RAPGEF2: variants seen among roughly 807,000 people sequenced by gnomAD.
The protein encoded by RAPGEF2 is PDZ domain containing guanine nucleotide exchange factor (GEF) 1.
RAPGEF2 carries 54 observed loss-of-function variants against 186.7 expected under a neutral mutation model. The observed-to-expected ratio is 0.29, with a 90% CI of 0.23 to 0.36. The LOEUF is 0.36. RAPGEF2 is among the 10% of genes least tolerant of loss of function. The pLI, the probability that RAPGEF2 is intolerant of heterozygous loss-of-function variation, is 1.00. For synonymous variants in RAPGEF2, 712 were observed against 705.9 expected, an observed-to-expected ratio of 1.01 and a Z score of -0.14; for missense variants, 1,532 against 2,045.0, an observed-to-expected ratio of 0.75 and a Z score of 4.84.
chr4:159,314,971 T>G (rs1007188352), intron 9 of RAPGEF2, among the ~76,000 whole-genome samples: 1 of 151,976 alleles, frequency 6.6e-6, no homozygotes, highest in Non-Finnish European at 1.5e-5. Flanking sequence ...CTACAAATAA[T>G]AATGTGAATG....
At chr4:159,287,983 T>C (rs1760728170) in intron 7 of RAPGEF2, among the ~76,000 whole-genome samples, 1 of 152,220 alleles carries the variant, frequency 6.6e-6, no homozygotes, top group Non-Finnish European at 1.5e-5. Context: ...CACATCTGTT[T>C]TCCATTTGTT....
intron 8 of RAPGEF2, among the ~76,000 whole-genome samples, chr4:159,314,376 A>G (rs1424787155): frequency 6.6e-6 from 1 of 152,198 alleles, no homozygotes; most frequent in African/African-American, 2.4e-5. Context: ...TACTGAGATA[A>G]AGTCGTTATT....
At chr4:159,275,634 CTCTA>C (rs1408124678) in intron 7 of RAPGEF2, among the ~76,000 whole-genome samples, 4 of 152,060 alleles carry the variant, frequency 2.6e-5, no homozygotes, top group Admixed American at 2.6e-4. Flanking sequence ...AGAATATACG[CTCTA>C]TCTCTTGTCA....
chr4:159,118,678 C>T lies in RAPGEF2; in HGVS notation c.69+14447C>T, dbSNP rs1048239519. Among the ~76,000 whole-genome samples the T allele has an allele frequency of 5.9e-5, 9 of 152,174 alleles. No homozygotes were observed. The South Asian group carries it at 6.2e-4, about 11-fold the overall frequency. ...TCAGCTCACCGCAACCTCCGCCTCC[C>T]GGGTTCAAGCGATTCTCCTGCCTCA... On this transcript the variant is annotated intron_variant, in intron 1 of 29. Coordinates refer to ENST00000691494, the MANE Select transcript of RAPGEF2 (RefSeq NM_001394067.2).
At chr4:159,170,503 C>G (rs6851914) in intron 1 of RAPGEF2, among the ~76,000 whole-genome samples, 1 of 151,918 alleles carries the variant, frequency 6.6e-6, no homozygotes, top group Non-Finnish European at 1.5e-5. Context: ...GCATTAGATA[C>G]GATAAGTAAT....
intron 3 of RAPGEF2, among the ~76,000 whole-genome samples, chr4:159,200,286 G>C (rs13139681): frequency 0.33 from 49,463 of 151,702 alleles, 8,336 homozygotes; most frequent in Non-Finnish European, 0.37. Context: ...TGGACAAAAT[G>C]GCACGACCCT....
intron 4 of RAPGEF2, among the ~76,000 whole-genome samples, chr4:159,218,573 T>C (rs1243553899): frequency 3.3e-5 from 5 of 152,152 alleles, no homozygotes; most frequent in Middle Eastern, 3.4e-3. Context: ...CTGGCCAACA[T>C]GGTGAAACCC....
At chr4:159,222,069 C>G (rs1384740422) in intron 4 of RAPGEF2, among the ~76,000 whole-genome samples, 2 of 152,136 alleles carry the variant, frequency 1.3e-5, no homozygotes, top group African/African-American at 4.8e-5. Context: ...TATGAAATAC[C>G]TTCATCCTGG....
chr4:159,326,939 A>G (rs1399888224), intron 11 of RAPGEF2: 1 of 152,180 alleles, frequency 6.6e-6, no homozygotes, highest in African/African-American at 2.4e-5. Context: ...CCATGTGCAC[A>G]ATTAGGTATG....
intron 3 of RAPGEF2, among the ~76,000 whole-genome samples, chr4:159,206,884 A>G (rs1054016226): frequency 2.6e-5 from 4 of 152,330 alleles, no homozygotes; most frequent in East Asian, 1.9e-4. Context: ...CTAGCTTACA[A>G]CTATTTCCAG....
In RAPGEF2 at chr4:159,304,311, G is replaced by T. The variant is rs1763025160; in HGVS notation, c.544-31G>T. 1.9e-6 allele frequency: 3 copies of T among 1,555,922 alleles called. No individual in the cohort carries two copies. In the South Asian group the frequency reaches 3.5e-5, roughly 18 times the overall value. ...CTTCTTGGAGTTCTTGATTCAGATTGTAATCCTAGTTTTTCCTGCTCCTTC... is the reference window on the plus strand; with the variant it reads ...CTTCTTGGAGTTCTTGATTCAGATTTTAATCCTAGTTTTTCCTGCTCCTTC... On this transcript the variant is annotated intron_variant, in intron 7 of 29. Coordinates refer to ENST00000691494, the MANE Select transcript of RAPGEF2 (RefSeq NM_001394067.2).
intron 4 of RAPGEF2, among the ~76,000 whole-genome samples, chr4:159,232,877 GTA>G (rs1752799330): frequency 6.6e-6 from 1 of 152,092 alleles, no homozygotes; most frequent in Non-Finnish European, 1.5e-5. Context: ...GTGTGAAATG[GTA>G]TCTTATTGTG....
chr4:159,173,167 A>C (rs1746093906), intron 1 of RAPGEF2, among the ~76,000 whole-genome samples: 1 of 152,212 alleles, frequency 6.6e-6, no homozygotes, highest in Non-Finnish European at 1.5e-5. Context: ...AAGATGGGAA[A>C]AACAGATGTC....
In RAPGEF2 at chr4:159,127,316, C is replaced by T. The variant is rs543345482; in HGVS notation, c.69+23085C>T. Among the ~76,000 whole-genome samples, 11 of 152,286 alleles carry T rather than the reference C, an allele frequency of 7.2e-5. No individual in the cohort carries two copies. The East Asian group carries it at 7.7e-4, about 11-fold the overall frequency. ...TGCTGGGATTACAGGTGTGAACCAC[C>T]GCACCTGGCCTATTTATTTGTGTTT... On this transcript the variant is annotated intron_variant, in intron 1 of 29. Transcript: ENST00000691494.
At chr4:159,200,808 A>G (rs1332664709) in intron 3 of RAPGEF2, among the ~76,000 whole-genome samples, 1 of 152,170 alleles carries the variant, frequency 6.6e-6, no homozygotes, top group African/African-American at 2.4e-5. Context: ...TAATTTCCTT[A>G]CAATTTAGAA....
chr4:159,120,944 T>A (rs1008385052), intron 1 of RAPGEF2, among the ~76,000 whole-genome samples: 5 of 152,118 alleles, frequency 3.3e-5, no homozygotes, highest in African/African-American at 1.2e-4. Context: ...AACCTCTGCC[T>A]CCTGGGTTCG....
intron 2 of RAPGEF2, among the ~76,000 whole-genome samples, chr4:159,191,340 C>T (rs1055016610): frequency 6.6e-6 from 1 of 152,108 alleles, no homozygotes; most frequent in Admixed American, 6.5e-5. Flanking sequence ...AGGTAGGATT[C>T]TGATAACAAG....
At chr4:159,279,623 A>T (rs1482607238) in intron 7 of RAPGEF2, among the ~76,000 whole-genome samples, 4 of 152,136 alleles carry the variant, frequency 2.6e-5, no homozygotes, top group Admixed American at 2.6e-4. Context: ...GCAAGAATAC[A>T]ATTTTGTTTT....
intron 1 of RAPGEF2, among the ~76,000 whole-genome samples, chr4:159,151,372 A>G (rs1743515427): frequency 1.3e-5 from 2 of 152,228 alleles, no homozygotes; most frequent in African/African-American, 4.8e-5. Flanking sequence ...GAATGCAGTC[A>G]AATGACCCAA....
Sources: gnomAD v4.1 joint callset for allele counts (sites outside exome capture counted in the v4.1 genomes callset) on GRCh38, gnomAD v4.1.1 for gene constraint, MANE v1.5 for transcripts, NCBI Gene and HGNC (gene_info 2026-07-23, HGNC 2026-07-21) for gene names.